PSD3: variants seen among roughly 807,000 people sequenced by gnomAD.
PSD3 encodes PH and SEC7 domain-containing protein 3.
A neutral mutation model predicts 105.5 loss-of-function variants in PSD3; 49 were observed. The observed-to-expected ratio is 0.46, with a 90% confidence interval of 0.37 to 0.59. PSD3 has a LOEUF of 0.59. Ranked by LOEUF, PSD3 falls within the 20% of genes least tolerant of loss-of-function variation. PSD3 has a pLI of 0.00. For synonymous variants in PSD3, 557 were observed against 457.8 expected, an observed-to-expected ratio of 1.22 and a Z score of -2.77; for missense variants, 1,561 against 1,263.8, an observed-to-expected ratio of 1.24 and a Z score of -3.57.
intron 4 of PSD3, among the ~76,000 whole-genome samples, chr8:18,842,372 T>A (rs1272357671): frequency 6.6e-6 from 1 of 152,198 alleles, no homozygotes; most frequent in African/African-American, 2.4e-5. Context: ...GGGATTTACA[T>A]GGGAAAAACA....
chr8:18,689,597 T>A (rs188855074), intron 9 of PSD3, among the ~76,000 whole-genome samples: 2 of 152,170 alleles, frequency 1.3e-5, no homozygotes, highest in East Asian at 3.9e-4. Flanking sequence ...AGAATGGCGG[T>A]TGTAACACTC....
At chr8:18,810,038 ACC>A (rs1352167727) in intron 4 of PSD3, among the ~76,000 whole-genome samples, 2 of 151,978 alleles carry the variant, frequency 1.3e-5, no homozygotes, top group South Asian at 4.1e-4. Context: ...TCTTTTTTCA[ACC>A]TGTCCTCTAC....
intron 9 of PSD3, among the ~76,000 whole-genome samples, chr8:18,744,858 T>C (rs958808716): frequency 6.6e-6 from 1 of 152,234 alleles, no homozygotes; most frequent in Admixed American, 6.5e-5. Context: ...GGCTTCTTAG[T>C]CTCCTCCATT....
chr8:18,935,695 C>CA (rs10628497), intron 2 of PSD3, among the ~76,000 whole-genome samples: 73,607 of 136,840 alleles, frequency 0.54, 20,158 homozygotes, highest in East Asian at 0.81. Context: ...GACTTTGTCT[C>CA]AAAAAAAAAA....
intron 2 of PSD3, among the ~76,000 whole-genome samples, chr8:18,907,314 T>A (rs1819910595): frequency 1.3e-5 from 2 of 152,024 alleles, no homozygotes; most frequent in African/African-American, 4.8e-5. Context: ...ATGGTACAAT[T>A]TTTTGTCTTT....
At chr8:18,706,797 G>T (rs1320612117) in intron 9 of PSD3, among the ~76,000 whole-genome samples, 1 of 152,180 alleles carries the variant, frequency 6.6e-6, no homozygotes, top group Non-Finnish European at 1.5e-5. Context: ...TTGTCCTGAT[G>T]CCACACCAGC....
intron 9 of PSD3, among the ~76,000 whole-genome samples, chr8:18,688,260 G>GTTTC (rs145234556): frequency 0.067 from 10,159 of 151,856 alleles, 464 homozygotes; most frequent in East Asian, 0.23. Flanking sequence ...CAGGCTGTTT[G>GTTTC]TTTGTTTGTT....
chr8:18,736,069 C>G (rs188071069), intron 9 of PSD3, among the ~76,000 whole-genome samples: 1 of 152,128 alleles, frequency 6.6e-6, no homozygotes, highest in Non-Finnish European at 1.5e-5. Context: ...CTTAAAACAA[C>G]GTAGAATTCC....
Position 18,531,429 on chromosome 8 carries a change from G to C in PSD3, c.*4314C>G, listed in dbSNP as rs116930653. On this transcript the variant is annotated 3_prime_UTR_variant, in exon 16 of 16. Coordinates refer to ENST00000327040, the MANE Select transcript of PSD3 (RefSeq NM_015310.4). The stretch of plus-strand genomic sequence containing the variant: ...ATTTCAGTCCTTCCTTTATGGATGA[G>C]AGATGGAAAAGGAATCTGAGAGAAA... 23 of 152,316 alleles carry C rather than the reference G, an allele frequency of 1.5e-4. No homozygotes were observed. Among genetic ancestry groups the C allele is most frequent in the Admixed American group, 5.9e-4 (9 of 15,226 alleles). The allele number at this position is 152,316 out of a possible 1,614,324, so 9.4% of individuals were successfully genotyped here. A position where few individuals can be genotyped will look rare whatever the true frequency, so the allele number is the denominator to read the frequency against.
At chr8:18,776,878 C>G (rs185317273) in intron 8 of PSD3, among the ~76,000 whole-genome samples, 1 of 152,250 alleles carries the variant, frequency 6.6e-6, no homozygotes, top group Admixed American at 6.5e-5. Flanking sequence ...AAAAATACCT[C>G]CACTTCTCGT....
At chr8:18,600,552 C>T in intron 11 of PSD3, 118 bp from the exon 12 acceptor site, 1 of 835,142 alleles carries the variant, frequency 1.2e-6, no homozygotes, top group South Asian at 1.7e-5. Context: ...AAAGTAATAA[C>T]AATAAGAACT....
chr8:18,886,125 T>C (rs1367869428), intron 2 of PSD3, among the ~76,000 whole-genome samples: 2 of 152,004 alleles, frequency 1.3e-5, no homozygotes, highest in Non-Finnish European at 2.9e-5. Context: ...TTTCTGTCTA[T>C]ATAATATATC....
intron 1 of PSD3, among the ~76,000 whole-genome samples, chr8:18,966,499 A>T (rs1824252867): frequency 6.7e-6 from 1 of 149,092 alleles, no homozygotes; most frequent in African/African-American, 2.5e-5. Flanking sequence ...TGAACCTGGG[A>T]GGTGGAGGTT....
chr8:18,930,892 C>T (rs75899408), intron 2 of PSD3, among the ~76,000 whole-genome samples: 3,571 of 152,186 alleles, frequency 0.023, 156 homozygotes, highest in African/African-American at 0.082. Flanking sequence ...AATAATTGGA[C>T]CTTTTACATT....
Position 18,872,254 on chromosome 8 carries a change from T to G in PSD3, c.610A>C (p.Thr204Pro), listed in dbSNP as rs1391583120. 3.1e-6 allele frequency: 5 copies of G among 1,614,212 alleles called. No individual in the cohort carries two copies. Among genetic ancestry groups the G allele is most frequent in the Admixed American group, 3.3e-5 (2 of 60,028 alleles). Residue 204 changes from threonine to proline, a missense_variant, in exon 3 of 16, where the codon ACA becomes CCA. Thr to Pro is a conservative substitution (Grantham distance 38). Coordinates refer to ENST00000327040, the MANE Select transcript of PSD3 (RefSeq NM_015310.4). Reference sequence around the variant, plus strand: ...CTCAAATAAAAACTTTCCTCCGTTGTTACTTCAGCTGAAAGAGGTATTTCT... The same window carrying G: ...CTCAAATAAAAACTTTCCTCCGTTGGTACTTCAGCTGAAAGAGGTATTTCT... ...LPEIPLSAEVTTEESFYLSIQ... is the reference protein window; with the variant it reads ...LPEIPLSAEVPTEESFYLSIQ...
chr8:18,974,230 G>C (rs1004584157), intron 1 of PSD3, among the ~76,000 whole-genome samples: 1 of 152,070 alleles, frequency 6.6e-6, no homozygotes, highest in South Asian at 2.1e-4. Context: ...TAAAGAAAAA[G>C]GCTCAAAAAG....
At chr8:18,842,618 A>T (rs1038753778) in intron 4 of PSD3, among the ~76,000 whole-genome samples, 5 of 152,278 alleles carry the variant, frequency 3.3e-5, no homozygotes, top group Non-Finnish European at 7.4e-5. Context: ...CTGTAGTCCC[A>T]GCTACTCGGG....
chr8:18,710,416 A>G (rs1329831233), intron 9 of PSD3, among the ~76,000 whole-genome samples: 1 of 152,218 alleles, frequency 6.6e-6, no homozygotes, highest in Non-Finnish European at 1.5e-5. Context: ...GTTGGAAAAC[A>G]TACTCCAAGA....
chr8:18,706,114 T>C (rs1254017629), intron 9 of PSD3, among the ~76,000 whole-genome samples: 2 of 152,148 alleles, frequency 1.3e-5, no homozygotes, highest in African/African-American at 4.8e-5. Flanking sequence ...GAAGGGCTTG[T>C]CACTGAGCAA....
Sources: gnomAD v4.1 joint callset for allele counts (sites outside exome capture counted in the v4.1 genomes callset) on GRCh38, gnomAD v4.1.1 for gene constraint, MANE v1.5 for transcripts, NCBI Gene and HGNC (gene_info 2026-07-23, HGNC 2026-07-21) for gene names.